The following CEP41 variants were observed in gnomAD, a reference collection of about 807,000 sequenced individuals.
CEP41 encodes the protein centrosomal protein of 41 kDa.
In CEP41, 32 loss-of-function variants were observed where a neutral mutation model predicts 44.3. That is an observed-to-expected ratio of 0.72 (90% CI 0.54 to 0.97). The LOEUF is 0.97. Ranked by LOEUF, CEP41 falls within the 50% of genes least tolerant of loss-of-function variation. The pLI, the probability that CEP41 is intolerant of heterozygous loss-of-function variation, is 0.00. For synonymous variants in CEP41, 151 were observed against 168.5 expected (o/e 0.90, Z 0.80); for missense variants, 432 against 455.2 (o/e 0.95, Z 0.46).
intron 3 of CEP41, among the ~76,000 whole-genome samples, chr7:130,415,797 G>A (rs1797317913): frequency 6.6e-6 from 1 of 152,088 alleles, no homozygotes; most frequent in African/African-American, 2.4e-5. Flanking sequence ...TGAAGTGTAG[G>A]TGAGTAAATG....
In CEP41 at chr7:130,419,089, G is replaced by C. The variant is rs1285148816; in HGVS notation, c.98-2123C>G. 6 of 985,176 alleles carry C rather than the reference G, an allele frequency of 6.1e-6. No individual in the cohort carries two copies. In the African/African-American group the frequency reaches 8.7e-5, roughly 14 times the overall value. 61.0% of individuals were successfully genotyped at this position (985,176 alleles called of 1,614,324 possible). On this transcript the variant is annotated intron_variant, in intron 2 of 10. Transcript: ENST00000223208. ...CTTAACACTTTATTTTGTATCAGCT[G>C]ACCCTCACCACAATGCAGGGAGGTA...
At chr7:130,437,764 C>CAAAAAAAAAAAAAAAGAAA (rs1798011637) in intron 1 of CEP41, among the ~76,000 whole-genome samples, 1 of 32,420 alleles carries the variant, frequency 3.1e-5, no homozygotes, top group Non-Finnish European at 6.0e-5. Flanking sequence ...AAGACTGTCT[C>CAAAAAAAAAAAAAAAGAAA]AAAAAAAAAA....
At position 130,397,703 on chromosome 7, in the gene CEP41, C is replaced by T. The variant is rs1554415404; in HGVS notation, c.*1188G>A. ...TCACAGACCATAAAAATTAACACCG[C>T]TCTTTTCCATCTGATTTCAGAGTTC... On this transcript the variant is annotated 3_prime_UTR_variant, in exon 11 of 11. Transcript: ENST00000223208. The T allele has an allele frequency of 1.1e-5, 5 of 454,146 alleles. No individual in the cohort carries two copies. The allele number at this position is 454,146 out of a possible 1,614,324, so 28.1% of individuals were successfully genotyped here.
At position 130,427,952 on chromosome 7, in the gene CEP41, C is replaced by T. The variant is rs944211898; in HGVS notation, c.97+3G>A. 1.3e-6 allele frequency: 2 copies of T among 1,590,600 alleles called. No individual in the cohort carries two copies. The highest frequency in any genetic ancestry group is 3.3e-5 in the Admixed American group (2 of 59,950). On this transcript the variant is annotated splice_donor_region_variant and intron_variant, in intron 2 of 10. Transcript: ENST00000223208. ...TAATTCTAATTTTCTAATCTTTACTCACCAGTGTCCAGTCTTGATTTGATA... is the reference window on the plus strand; with the variant it reads ...TAATTCTAATTTTCTAATCTTTACTTACCAGTGTCCAGTCTTGATTTGATA...
In CEP41 at chr7:130,404,676, C is replaced by T. The variant is rs1237526302; in HGVS notation, c.310G>A (p.Glu104Lys). The T allele has an allele frequency of 6.2e-7, 1 of 1,612,464 alleles. No individual in the cohort carries two copies. Among genetic ancestry groups the T allele is most frequent in the Non-Finnish European group, 8.5e-7 (1 of 1,178,638 alleles). Reference sequence around the variant, plus strand: ...TTCCCATTGGTCCTGGCAGTGGTTTCAGCATCAGGGTCTGAAGCTGCAGAA... The same window carrying T: ...TTCCCATTGGTCCTGGCAGTGGTTTTAGCATCAGGGTCTGAAGCTGCAGAA... ...NDSAASDPDA[E>K]TTARTNGKGN... The change falls in exon 6 of 11, where the codon GAA (glutamate) becomes AAA (lysine). Residue 104 changes from glutamate (E) to lysine (K), a missense_variant. Physicochemically the swap from Glu to Lys is moderately conservative, Grantham distance 56. Transcript: ENST00000223208.
Position 130,394,872 on chromosome 7 carries a change from T to C in CEP41, c.*4019A>G. 2 of 454,150 alleles carry C rather than the reference T, an allele frequency of 4.4e-6. No homozygotes were observed. Among genetic ancestry groups the C allele is most frequent in the Non-Finnish European group, 8.8e-6 (2 of 226,802 alleles). 28.1% of individuals were successfully genotyped at this position (454,150 alleles called of 1,614,324 possible). ...AGACATATTGATATCCTTTAAAAGA[T>C]GCAGCCCATCCGTCCACAGCATTTG... On this transcript the variant is annotated 3_prime_UTR_variant, in exon 11 of 11. Coordinates refer to ENST00000223208, the MANE Select transcript of CEP41 (RefSeq NM_018718.3).
At chr7:130,414,987 ACTAT>A (rs2117619335) in intron 3 of CEP41, among the ~76,000 whole-genome samples, 1 of 152,256 alleles carries the variant, frequency 6.6e-6, no homozygotes, top group East Asian at 1.9e-4. Flanking sequence ...CAGAGACCTG[ACTAT>A]CTAGGATGTT....
Position 130,398,973 on chromosome 7 carries a change from T to C in CEP41, c.1040A>G (p.Asn347Ser), listed in dbSNP as rs782131552. 3.2e-5 allele frequency: 52 copies of C among 1,614,100 alleles called. No individual in the cohort carries two copies. In the Middle Eastern group the frequency reaches 4.9e-4, roughly 15 times the overall value. ...GCTGGCGGGGCCGCCACCTGGCAGA[T>C]TCTGAGCGCTTCGGGCACCAGGCAC... ...SKVPGARSAQ[N>S]LPGGGPASHS... is the part of the protein sequence containing the mutation. Residue 347 changes from asparagine (N) to serine (S), a missense_variant, in exon 11 of 11, where the codon AAT becomes AGT. By Grantham distance (46) the Asn-to-Ser change is conservative. Coordinates refer to ENST00000223208, the MANE Select transcript of CEP41 (RefSeq NM_018718.3).
At chr7:130,402,343 C>CAAAAAAAAAAAAA (rs150874127) in intron 7 of CEP41, among the ~76,000 whole-genome samples, 2 of 76,666 alleles carry the variant, frequency 2.6e-5, no homozygotes, top group African/African-American at 5.8e-5. Flanking sequence ...AAGGTATTAA[C>CAAAAAAAAAAAAA]AAAAAAAAAA....
rs782387166 is a variant in CEP41 at position 130,440,945 on chromosome 7, C to CAATGTG, written c.16_21dup (p.His6_Ile7dup). On this transcript the variant is annotated inframe_insertion, in exon 1 of 11. Coordinates refer to ENST00000223208, the MANE Select transcript of CEP41 (RefSeq NM_018718.3). ...GACCTGGCCCTCACCTCAGGGTTCC[C>CAATGTG]AATGTGCCTCCGGAGGGACATATTT... is the stretch of plus-strand genomic sequence containing the variant. 1.2e-6 allele frequency: 2 copies of CAATGTG among 1,612,532 alleles called. No homozygotes were observed. Among genetic ancestry groups the CAATGTG allele is most frequent in the African/African-American group, 2.7e-5 (2 of 74,954 alleles).
At chr7:130,431,446 C>T (rs566527727) in intron 1 of CEP41, among the ~76,000 whole-genome samples, 2 of 152,296 alleles carry the variant, frequency 1.3e-5, no homozygotes, top group South Asian at 4.1e-4. Flanking sequence ...TCTTTGCCAT[C>T]CAGCTTTCAC....
intron 3 of CEP41, among the ~76,000 whole-genome samples, chr7:130,414,991 TC>T (rs1374213296): frequency 6.6e-6 from 1 of 152,224 alleles, no homozygotes; most frequent in African/African-American, 2.4e-5. Flanking sequence ...GACCTGACTA[TC>T]TAGGATGTTT....
intron 5 of CEP41, among the ~76,000 whole-genome samples, chr7:130,407,253 AACACACACACACACAC>A (rs60030288): frequency 6.0e-4 from 77 of 129,402 alleles, no homozygotes; most frequent in Non-Finnish European, 1.1e-3. Context: ...AACAAGAGTA[AACACACACACACACAC>A]ACACACACAC....
At chr7:130,441,294 G>C (rs1798159732), upstream of CEP41, 31 of 458,330 alleles carry the variant, frequency 6.8e-5, no homozygotes, top group South Asian at 6.1e-4. Flanking sequence ...CAAAGCCGGG[G>C]GCGGGGGCAG....
chr7:130,426,180 T>C (rs1227593570), intron 2 of CEP41, among the ~76,000 whole-genome samples: 1 of 152,206 alleles, frequency 6.6e-6, no homozygotes, highest in Non-Finnish European at 1.5e-5. Context: ...TCTGCATTAT[T>C]GTCTACAAAA....
At chr7:130,416,505 T>A in intron 3 of CEP41, among the ~76,000 whole-genome samples, 1 of 152,204 alleles carries the variant, frequency 6.6e-6, no homozygotes, top group East Asian at 1.9e-4. Context: ...ATGAATACTC[T>A]CATTTATACA....
At position 130,396,794 on chromosome 7, in the gene CEP41, T is replaced by C. The variant is rs1554414787; in HGVS notation, c.*2097A>G. The stretch of plus-strand genomic sequence containing the variant: ...CTGTGGAGAAATACACATAAATATA[T>C]CCAACCTGCCAGATCTCTCAGGTGA... On this transcript the variant is annotated 3_prime_UTR_variant, in exon 11 of 11. Transcript: ENST00000223208. 2 of 453,892 alleles carry C rather than the reference T, an allele frequency of 4.4e-6. No individual in the cohort carries two copies. The highest frequency in any genetic ancestry group is 8.8e-6 in the Non-Finnish European group (2 of 226,700). The allele number at this position is 453,892 out of a possible 1,614,324, so 28.1% of individuals were successfully genotyped here.
chr7:130,423,947 T>G (rs868969200), intron 2 of CEP41, among the ~76,000 whole-genome samples: 4 of 152,352 alleles, frequency 2.6e-5, no homozygotes, highest in South Asian at 2.1e-4. Flanking sequence ...TAGTGGTTAC[T>G]CAACATAGTA....
At chr7:130,436,445 T>C (rs1217550786) in intron 1 of CEP41, among the ~76,000 whole-genome samples, 1 of 152,220 alleles carries the variant, frequency 6.6e-6, no homozygotes, top group Non-Finnish European at 1.5e-5. Flanking sequence ...ATATTTCTAG[T>C]GATGCAATAG....
Sources: allele counts gnomAD v4.1 joint callset (sites outside exome capture counted in the v4.1 genomes callset), GRCh38; gene constraint gnomAD v4.1.1; transcripts MANE v1.5; gene names NCBI Gene and HGNC (gene_info 2026-07-23, HGNC 2026-07-21).